ADCY9: variants seen among roughly 807,000 people sequenced by gnomAD.
The protein encoded by ADCY9 is adenylate cyclase 9, also known as adenylate cyclase type 9.
A neutral mutation model predicts 101.5 loss-of-function variants in ADCY9; 50 were observed. The observed-to-expected ratio is 0.49, with a 90% CI of 0.39 to 0.62. ADCY9 has a LOEUF of 0.62. Among genes scored for constraint, ADCY9 ranks in the 20% least tolerant of loss-of-function variants. The probability of loss-of-function intolerance (pLI) is 0.00; values close to 1 mark genes in which losing one functional copy is unlikely to be tolerated. For missense variants in ADCY9, 1,662 were observed against 1,800.4 expected, an observed-to-expected ratio of 0.92 and a Z score of 1.39; for synonymous variants, 905 against 769.3, an observed-to-expected ratio of 1.18 and a Z score of -2.92.
In ADCY9 at chr16:4,007,550, T is replaced by C; in HGVS notation, c.1702A>G (p.Thr568Ala). ...VVADQLKGLKTYLISGQRAKE... is the reference protein window; with the variant it reads ...VVADQLKGLKAYLISGQRAKE... ...GCTCTCTGACCCGATATCAGGTATG[T>C]CTTCAAACCTATGATGGATAAAAGT... is the stretch of plus-strand genomic sequence containing the variant. Residue 568 changes from threonine (T) to alanine (A), a missense_variant, in exon 3 of 11, where the codon ACA becomes GCA. This residue lies in a region of ADCY9 where 624 missense variants were observed against 639.1 expected (regional missense o/e 0.98). Coordinates refer to ENST00000294016, the MANE Select transcript of ADCY9 (RefSeq NM_001116.4). 6.2e-7 allele frequency: 1 copy of C among 1,606,294 alleles called. No homozygotes were observed. Among genetic ancestry groups the C allele is most frequent in the Non-Finnish European group, 8.5e-7 (1 of 1,177,504 alleles).
At chr16:4,095,105 C>T (rs529439874) in intron 2 of ADCY9, among the ~76,000 whole-genome samples, 8 of 150,668 alleles carry the variant, frequency 5.3e-5, no homozygotes, top group South Asian at 2.1e-4. Flanking sequence ...CAGGTTCAAG[C>T]GATTCTCCTG....
At chr16:3,969,591 T>C (rs1446920451) in intron 10 of ADCY9, among the ~76,000 whole-genome samples, 1 of 89,882 alleles carries the variant, frequency 1.1e-5, no homozygotes, top group Non-Finnish European at 2.1e-5. Context: ...TATATATATA[T>C]ATATATATAT....
chr16:3,993,350 T>C, intron 4 of ADCY9, 56 bp downstream of exon 4: 1 of 1,600,538 alleles, frequency 6.2e-7, no homozygotes, highest in African/African-American at 1.3e-5. Context: ...GAATGTCACC[T>C]TGGGTGGATG....
chr16:4,013,589 G>T (rs1391255453), intron 2 of ADCY9, among the ~76,000 whole-genome samples: 3 of 152,218 alleles, frequency 2.0e-5, no homozygotes, highest in Non-Finnish European at 4.4e-5. Flanking sequence ...AAACAGAAAA[G>T]AGGCAATCAG....
chr16:4,094,183 T>A (rs1443915344), intron 2 of ADCY9, among the ~76,000 whole-genome samples: 1 of 151,362 alleles, frequency 6.6e-6, no homozygotes, highest in Non-Finnish European at 1.5e-5. Context: ...CTTATTTGCA[T>A]GGTAGTTCTG....
chr16:4,115,620 G>A lies in ADCY9; in HGVS notation c.-44+70C>T, dbSNP rs2057146132. On this transcript the variant is annotated intron_variant, in intron 1 of 10. Coordinates refer to ENST00000294016, the MANE Select transcript of ADCY9 (RefSeq NM_001116.4). The surrounding 1 kb of genome is among the most constrained non-coding windows in gnomAD (Gnocchi z 6.2). Reference sequence around the variant, plus strand: ...GGCACCATCTGTTCCTGTGGTTCCCGGCTCAGCGGTGCTCCCACCGCCCCC... The same window carrying A: ...GGCACCATCTGTTCCTGTGGTTCCCAGCTCAGCGGTGCTCCCACCGCCCCC... The A allele has an allele frequency of 6.6e-6, 5 of 757,406 alleles. No individual in the cohort carries two copies. Among genetic ancestry groups the A allele is most frequent in the East Asian group, 5.5e-5 (2 of 36,300 alleles). The allele number at this position is 757,406 out of a possible 1,614,324, so 46.9% of individuals were successfully genotyped here.
At position 3,966,842 on chromosome 16, in the gene ADCY9, C is replaced by T. The variant is rs773530497; in HGVS notation, c.2995G>A (p.Glu999Lys). 1.9e-6 allele frequency: 3 copies of T among 1,614,168 alleles called. No homozygotes were observed. The highest frequency in any genetic ancestry group is 2.2e-5 in the South Asian group (2 of 91,082). The change falls in exon 11 of 11, where the codon GAA becomes AAA. Residue 999 changes from glutamate to lysine, a missense_variant. By Grantham distance (56) the Glu-to-Lys change is moderately conservative. Coordinates refer to ENST00000294016, the MANE Select transcript of ADCY9 (RefSeq NM_001116.4). ...LLLLVWFLNR[E>K]FEVSYRLHYH... ...TGGAGGCGGTAGCTGACTTCAAATT[C>T]GCGATTCAGGAACCAGACCAACAAG...
intron 2 of ADCY9, among the ~76,000 whole-genome samples, chr16:4,018,558 G>A (rs892364009): frequency 2.6e-5 from 4 of 152,268 alleles, no homozygotes; most frequent in Admixed American, 6.5e-5. Flanking sequence ...CAGTCATGCC[G>A]CTGCCTTCAC....
intron 2 of ADCY9, among the ~76,000 whole-genome samples, chr16:4,098,899 A>AT (rs57718798): frequency 0.27 from 40,252 of 150,722 alleles, 5,558 homozygotes; most frequent in East Asian, 0.51. Flanking sequence ...TTGGTTTGGG[A>AT]TTTTTTTTTA....
intron 2 of ADCY9, among the ~76,000 whole-genome samples, chr16:4,040,123 G>A (rs926055770): frequency 2.0e-5 from 3 of 152,116 alleles, no homozygotes; most frequent in African/African-American, 4.8e-5. Context: ...CTCCAATGGC[G>A]GCATTCATCT....
intron 2 of ADCY9, among the ~76,000 whole-genome samples, chr16:4,110,932 C>T (rs1213813318): frequency 1.3e-5 from 2 of 152,230 alleles, no homozygotes; most frequent in Non-Finnish European, 1.5e-5. Flanking sequence ...CTGAACCCCG[C>T]CTCTGGAGTC....
chr16:4,055,547 A>AT (rs1238800639), intron 2 of ADCY9, among the ~76,000 whole-genome samples: 1 of 151,622 alleles, frequency 6.6e-6, no homozygotes, highest in African/African-American at 2.4e-5. Context: ...AAGGAAAAAA[A>AT]AAAAGGCCAG....
chr16:4,071,604 G>A (rs1012457006), intron 2 of ADCY9, among the ~76,000 whole-genome samples: 1 of 152,062 alleles, frequency 6.6e-6, no homozygotes, highest in Admixed American at 6.6e-5. Context: ...TGGGGAAACT[G>A]GAGAAAGAAA....
At chr16:3,958,677 T>TTTTTTC (rs1447145631), downstream of ADCY9, among the ~76,000 whole-genome samples, 2 of 132,088 alleles carry the variant, frequency 1.5e-5, no homozygotes, top group Non-Finnish European at 3.2e-5. Context: ...CGGTTACTTT[T>TTTTTTC]TTTTTTTTTT....
chr16:4,110,539 A>G (rs1450126637), intron 2 of ADCY9, among the ~76,000 whole-genome samples: 1 of 151,846 alleles, frequency 6.6e-6, no homozygotes, highest in Non-Finnish European at 1.5e-5. Flanking sequence ...ACAGGCGCAC[A>G]CCACCACACC....
chr16:4,028,203 T>C (rs1316302513), intron 2 of ADCY9, among the ~76,000 whole-genome samples: 4 of 152,206 alleles, frequency 2.6e-5, no homozygotes, highest in Non-Finnish European at 4.4e-5. Flanking sequence ...AGTTCACAAA[T>C]GATAATTAGC....
chr16:4,103,590 G>A (rs935099767), intron 2 of ADCY9, among the ~76,000 whole-genome samples: 1 of 152,224 alleles, frequency 6.6e-6, no homozygotes, highest in African/African-American at 2.4e-5. Flanking sequence ...AGCATTTTGT[G>A]AGGCCGAGGT....
chr16:4,030,079 C>T (rs2056544700), intron 2 of ADCY9, among the ~76,000 whole-genome samples: 1 of 152,102 alleles, frequency 6.6e-6, no homozygotes, highest in African/African-American at 2.4e-5. Flanking sequence ...TTTGTTATCA[C>T]CATTTGTAAA....
At chr16:4,020,349 T>C (rs1035819406) in intron 2 of ADCY9, among the ~76,000 whole-genome samples, 25 of 152,202 alleles carry the variant, frequency 1.6e-4, no homozygotes, top group Admixed American at 6.5e-5. Context: ...AGAAAGTTCT[T>C]TTTTACCTTT....
Sources: gnomAD v4.1 joint callset for allele counts (sites outside exome capture counted in the v4.1 genomes callset) on GRCh38, gnomAD v4.1.1 for gene constraint, gnomAD v4.1.1 regional missense constraint, Gnocchi (gnomAD v3.1) non-coding constraint, MANE v1.5 for transcripts, NCBI Gene and HGNC (gene_info 2026-07-23, HGNC 2026-07-21) for gene names.